The following PCDHGB3 variants were observed in gnomAD, a reference collection of about 807,000 sequenced individuals.
PCDHGB3 encodes the protein protocadherin gamma subfamily B, 3.
PCDHGB3 carries 40 observed loss-of-function variants against 59.2 expected under a neutral mutation model. The observed-to-expected ratio is 0.68, with a 90% CI of 0.52 to 0.88. The LOEUF (loss-of-function observed/expected upper bound fraction) is 0.88, where lower values mean the gene tolerates loss of function less well. PCDHGB3 is among the 40% of genes least tolerant of loss of function. The pLI is 0.00. For synonymous variants in PCDHGB3, 581 were observed against 503.6 expected (o/e 1.15, Z -2.06); for missense variants, 1,309 against 1,187.9 (o/e 1.10, Z -1.50).
chr5:141,477,607 G>A lies in PCDHGB3; in HGVS notation c.2416-17200G>A, dbSNP rs1223703956. ...ATGCTCGGCTTTCTTTCTTTCTCTT[G>A]GAGCAAGGAGCTGAAACCGGGCTAG... is the stretch of plus-strand genomic sequence containing the variant. On this transcript the variant is annotated intron_variant, in intron 1 of 3. Coordinates refer to ENST00000576222, the MANE Select transcript of PCDHGB3 (RefSeq NM_018924.5). The surrounding 1 kb of genome is among the most constrained non-coding windows in gnomAD (Gnocchi z 4.9). 2 of 1,614,028 alleles carry A rather than the reference G, an allele frequency of 1.2e-6. No individual in the cohort carries two copies. The highest frequency in any genetic ancestry group is 3.3e-5 in the Admixed American group (2 of 60,000).
At chr5:141,470,585 G>A (rs2099233788) in intron 1 of PCDHGB3, among the ~76,000 whole-genome samples, 1 of 152,188 alleles carries the variant, frequency 6.6e-6, no homozygotes, top group African/African-American at 2.4e-5. Flanking sequence ...AACTTCATAG[G>A]CAGGCGACCT....
chr5:141,470,872 T>G, intron 1 of PCDHGB3, among the ~76,000 whole-genome samples: 1 of 151,814 alleles, frequency 6.6e-6, no homozygotes, highest in East Asian at 1.9e-4. Context: ...GTTTGTTTGT[T>G]TTTTTGTTTT....
Position 141,491,103 on chromosome 5 carries a change from G to T in PCDHGB3, c.2416-3704G>T, listed in dbSNP as rs1190609518. The T allele has an allele frequency of 6.2e-7, 1 of 1,614,162 alleles. No individual in the cohort carries two copies. ...CCACAGCCCCAGGACTGTTCCTCGT[G>T]TCTACACACACTGGTGAGGTGCGCA... On this transcript the variant is annotated intron_variant, in intron 1 of 3. Coordinates refer to ENST00000576222, the MANE Select transcript of PCDHGB3 (RefSeq NM_018924.5). The surrounding 1 kb of genome is among the most constrained non-coding windows in gnomAD (Gnocchi z 6.9).
chr5:141,438,733 C>T (rs2098057443), intron 1 of PCDHGB3, among the ~76,000 whole-genome samples: 1 of 149,042 alleles, frequency 6.7e-6, no homozygotes, highest in Non-Finnish European at 1.5e-5. Context: ...GTGATCTCAG[C>T]TCACTGCAAC....
chr5:141,491,022 C>T lies in PCDHGB3; in HGVS notation c.2416-3785C>T, dbSNP rs1431293281. 6.8e-6 allele frequency: 11 copies of T among 1,614,116 alleles called. No homozygotes were observed. Among genetic ancestry groups the T allele is most frequent in the East Asian group, 2.2e-5 (1 of 44,886 alleles). On this transcript the variant is annotated intron_variant, in intron 1 of 3. Coordinates refer to ENST00000576222, the MANE Select transcript of PCDHGB3 (RefSeq NM_018924.5). The surrounding 1 kb of genome is among the most constrained non-coding windows in gnomAD (Gnocchi z 6.9). ...GCTCCTTGGTCACCAAGGTGACAGCCGTGGATGCTGATGCAGGCCACAATG... is the reference window on the plus strand; with the variant it reads ...GCTCCTTGGTCACCAAGGTGACAGCTGTGGATGCTGATGCAGGCCACAATG...
intron 2 of PCDHGB3, among the ~76,000 whole-genome samples, chr5:141,500,359 C>T (rs2099799599): frequency 6.6e-6 from 1 of 152,032 alleles, no homozygotes; most frequent in Non-Finnish European, 1.5e-5. Flanking sequence ...CAGGCGCCCA[C>T]TACCACGCCC....
chr5:141,409,295 G>A, intron 1 of PCDHGB3: 1 of 1,613,992 alleles, frequency 6.2e-7, no homozygotes, highest in Non-Finnish European at 8.5e-7. Context: ...TCCAGGAATG[G>A]TTGTTGCCCT....
Position 141,477,365 on chromosome 5 carries a change from C to T in PCDHGB3, c.2416-17442C>T, listed in dbSNP as rs754438240. On this transcript the variant is annotated intron_variant, in intron 1 of 3. Transcript: ENST00000576222. The surrounding 1 kb of genome is among the most constrained non-coding windows in gnomAD (Gnocchi z 4.9). ...TTTGAAAACCAGTGCAGACCTGGAT[C>T]GGGAGACTGTGCCAGAATACAACCT... The T allele has an allele frequency of 6.2e-7, 1 of 1,614,156 alleles. No homozygotes were observed. The highest frequency in any genetic ancestry group is 1.7e-5 in the Admixed American group (1 of 60,022).
chr5:141,466,020 G>A (rs973577698), intron 1 of PCDHGB3, among the ~76,000 whole-genome samples: 2 of 151,974 alleles, frequency 1.3e-5, no homozygotes, highest in South Asian at 4.1e-4. Context: ...TACTCGGGAG[G>A]GTGAGGCAGG....
At chr5:141,409,520 T>TTG (rs767613304) in intron 1 of PCDHGB3, 2 of 1,613,966 alleles carry the variant, frequency 1.2e-6, no homozygotes, top group East Asian at 4.5e-5. Flanking sequence ...AAGCATCACC[T>TTG]TGTATGTCGC....
At chr5:141,383,042 T>A (rs1397489820) in intron 1 of PCDHGB3, 10 of 1,613,724 alleles carry the variant, frequency 6.2e-6, no homozygotes, top group Non-Finnish European at 7.6e-6. Flanking sequence ...GTGGGAGACA[T>A]CGCCAAGGAC....
At chr5:141,417,888 G>T (rs1406210540) in intron 1 of PCDHGB3, 1 of 1,566,768 alleles carries the variant, frequency 6.4e-7, no homozygotes, top group Middle Eastern at 1.7e-4. Context: ...CAGAGGCGCC[G>T]GGCCGGCCCG....
chr5:141,384,651 C>T (rs138410124), intron 1 of PCDHGB3: 42,093 of 1,614,188 alleles, frequency 0.026, 638 homozygotes, highest in Non-Finnish European at 0.031. Context: ...CCGCAGAGCC[C>T]GGCTACCTGG....
At chr5:141,419,728 A>T (rs2096421858) in intron 1 of PCDHGB3, 1 of 1,613,466 alleles carries the variant, frequency 6.2e-7, no homozygotes. Flanking sequence ...GGCTGCGAAC[A>T]GGCGAGGTGC....
rs1321974739 is a variant in PCDHGB3, at chr5:141,432,755, G to A, written c.2415+59946G>A. The A allele has an allele frequency of 2.5e-6, 4 of 1,614,134 alleles. No individual in the cohort carries two copies. Among genetic ancestry groups the A allele is most frequent in the African/African-American group, 1.3e-5 (1 of 75,060 alleles). On this transcript the variant is annotated intron_variant, in intron 1 of 3. Coordinates refer to ENST00000576222, the MANE Select transcript of PCDHGB3 (RefSeq NM_018924.5). This position sits in a 1 kb window ranked among gnomAD's most constrained non-coding sequence, Gnocchi z 6.0. ...TGTCACGCTCACCGTGGCCGTGGCC[G>A]ACAGCATCCCCCAAGTCCTGGCGGA...
chr5:141,387,810 A>G (rs2091099710), intron 1 of PCDHGB3: 1 of 1,525,916 alleles, frequency 6.6e-7, no homozygotes. Context: ...TCGGAGATCC[A>G]AAAATCTGCA....
Position 141,503,999 on chromosome 5 carries a change from C to T in PCDHGB3, c.2475-1394C>T, listed in dbSNP as rs569153055. On this transcript the variant is annotated intron_variant, in intron 2 of 3. Coordinates refer to ENST00000576222, the MANE Select transcript of PCDHGB3 (RefSeq NM_018924.5). Reference sequence around the variant, plus strand: ...AACCCTTCTTCTTACCTTACAGTCACTTAACTGTCTCTGCTGGTCTCTTCC... The same window carrying T: ...AACCCTTCTTCTTACCTTACAGTCATTTAACTGTCTCTGCTGGTCTCTTCC... 2.0e-5 allele frequency among the ~76,000 whole-genome samples: 3 copies of T among 152,286 alleles called. No individual in the cohort carries two copies. The South Asian group carries it at 6.2e-4, about 32-fold the overall frequency.
chr5:141,374,333 T>G lies in PCDHGB3; in HGVS notation c.2415+1524T>G, dbSNP rs767860795. 3.7e-6 allele frequency: 6 copies of G among 1,613,886 alleles called. No homozygotes were observed. In the African/African-American group the frequency reaches 5.3e-5, roughly 14 times the overall value. On this transcript the variant is annotated intron_variant, in intron 1 of 3. Coordinates refer to ENST00000576222, the MANE Select transcript of PCDHGB3 (RefSeq NM_018924.5). ...CTCTCTGAATCCGCGAAACGGCAGC[T>G]TGGTCACCGCGGGTAGGATAGACCG...
chr5:141,488,046 G>A (rs958459817), intron 1 of PCDHGB3, among the ~76,000 whole-genome samples: 1 of 152,182 alleles, frequency 6.6e-6, no homozygotes, highest in African/African-American at 2.4e-5. Flanking sequence ...CCAAGGGATT[G>A]AGGGGAAATA....
Sources: gnomAD v4.1 joint callset for allele counts (sites outside exome capture counted in the v4.1 genomes callset) on GRCh38, gnomAD v4.1.1 for gene constraint, Gnocchi (gnomAD v3.1) non-coding constraint, MANE v1.5 for transcripts, NCBI Gene and HGNC (gene_info 2026-07-23, HGNC 2026-07-21) for gene names.